The following KLHDC2 variants were observed in gnomAD, a reference collection of about 807,000 sequenced individuals.
The protein encoded by KLHDC2 is kelch domain-containing protein 2.
In KLHDC2, 38 loss-of-function variants were observed where a neutral mutation model predicts 62.3. The ratio of observed to expected loss-of-function variants is 0.61; its 90% CI spans 0.47 to 0.80. The LOEUF is 0.80. Among genes scored for constraint, KLHDC2 ranks in the 30% least tolerant of loss-of-function variants. The probability of loss-of-function intolerance (pLI) is 0.00; values close to 1 mark genes in which losing one functional copy is unlikely to be tolerated. For missense variants in KLHDC2, 430 were observed against 495.3 expected (o/e 0.87, Z 1.25); for synonymous variants, 159 against 161.0 (o/e 0.99, Z 0.09).
chr14:49,772,388 A>T (rs1566633129), intron 2 of KLHDC2, among the ~76,000 whole-genome samples: 1 of 152,230 alleles, frequency 6.6e-6, no homozygotes, highest in East Asian at 1.9e-4. Context: ...TTTGCATGCA[A>T]ATCTTTTTAA....
chr14:49,782,715 G>C, intron 12 of KLHDC2, 115 bp from the exon 13 acceptor site: 14 of 1,404,014 alleles, frequency 1.0e-5, no homozygotes, highest in African/African-American at 1.4e-5. Context: ...GCTATAACCA[G>C]TTCCTATGAA....
intron 3 of KLHDC2, among the ~76,000 whole-genome samples, chr14:49,775,649 C>T (rs912108189): frequency 3.6e-5 from 4 of 112,672 alleles, no homozygotes; most frequent in African/African-American, 1.4e-4. Context: ...CGGATGGGGA[C>T]AGAGTCTCGC....
chr14:49,781,498 G>A lies in KLHDC2; in HGVS notation c.956+723G>A, dbSNP rs141118009. On this transcript the variant is annotated intron_variant, in intron 10 of 12. Coordinates refer to ENST00000298307, the MANE Select transcript of KLHDC2 (RefSeq NM_014315.3). ...AATCCCAGCACTTCTGGAGGCTGAG[G>A]CAGGCAGAGTGCTTTAACCCAGGCA... Among the ~76,000 whole-genome samples the A allele has an allele frequency of 1.3e-3, 196 of 152,170 alleles. No homozygotes were observed. In the Middle Eastern group the frequency reaches 0.027, roughly 21 times the overall value.
chr14:49,777,507 T>C (rs1237466743), intron 3 of KLHDC2, among the ~76,000 whole-genome samples: 2 of 151,768 alleles, frequency 1.3e-5, no homozygotes, highest in African/African-American at 4.8e-5. Context: ...GGTGGGAAGA[T>C]GACTTAAGCC....
intron 9 of KLHDC2, 27 bp downstream of exon 9, chr14:49,780,349 A>T: frequency 1.0e-5 from 13 of 1,304,606 alleles, no homozygotes; most frequent in Non-Finnish European, 1.4e-5. Flanking sequence ...TATGATAATG[A>T]AATCATCATA....
intron 3 of KLHDC2, 60 bp from the exon 4 acceptor site, chr14:49,777,779 A>G (rs1413917512): frequency 2.3e-6 from 2 of 888,636 alleles, no homozygotes; most frequent in Admixed American, 4.9e-5. Flanking sequence ...GTAAAATTAA[A>G]TGCTAAACTT....
At position 49,783,385 on chromosome 14, in the gene KLHDC2, A is replaced by G. The variant is rs1386444147; in HGVS notation, c.*432A>G. Reference sequence around the variant, plus strand: ...ATAATAAAGGTTTTTTTTTTTAAACATTAATATTCACATTATGACGAAGCT... The same window carrying G: ...ATAATAAAGGTTTTTTTTTTTAAACGTTAATATTCACATTATGACGAAGCT... On this transcript the variant is annotated 3_prime_UTR_variant, in exon 13 of 13. Transcript: ENST00000298307. 6.6e-6 allele frequency: 1 copy of G among 151,512 alleles called. No homozygotes were observed. The highest frequency in any genetic ancestry group is 1.5e-5 in the Non-Finnish European group (1 of 68,122). The allele number at this position is 151,512 out of a possible 1,614,324, so 9.4% of individuals were successfully genotyped here.
chr14:49,768,814 C>G, intron 1 of KLHDC2, 193 bp downstream of exon 1: 5 of 545,340 alleles, frequency 9.2e-6, no homozygotes, highest in Middle Eastern at 9.7e-4. Flanking sequence ...TACCCCAACC[C>G]GTCTCGAACC....
Position 49,778,036 on chromosome 14 carries a change from C to T in KLHDC2, c.467+82C>T, listed in dbSNP as rs576311334. ...GGTATCCTTAGCCAGTAAACATTTG[C>T]ACAGAACATACCTCATAGGGCCCAT... On this transcript the variant is annotated intron_variant, in intron 4 of 12. Coordinates refer to ENST00000298307, the MANE Select transcript of KLHDC2 (RefSeq NM_014315.3). 17 of 972,772 alleles carry T rather than the reference C, an allele frequency of 1.7e-5. No homozygotes were observed. The South Asian group carries it at 2.5e-4, about 14-fold the overall frequency. 60.3% of individuals were successfully genotyped at this position (972,772 alleles called of 1,614,324 possible). A position where few individuals can be genotyped will look rare whatever the true frequency, so the allele number is the denominator to read the frequency against.
chr14:49,774,645 T>G lies in KLHDC2; in HGVS notation c.318T>G (p.Phe106Leu). 1 of 1,612,194 alleles carries G rather than the reference T, an allele frequency of 6.2e-7. No homozygotes were observed. The highest frequency in any genetic ancestry group is 8.5e-7 in the Non-Finnish European group (1 of 1,178,266). Residue 106 changes from phenylalanine to leucine, a missense_variant, in exon 3 of 13, where the codon TTT becomes TTG. Transcript: ENST00000298307. ...GTGTAGACAGGGTGCTGTACTTGTT[T>G]GGAGGACACCATTCAAGAGGCAATA... ...AVCVDRVLYL[F>L]GGHHSRGNTN...
chr14:49,780,257 T>C lies in KLHDC2; in HGVS notation c.818T>C (p.Leu273Pro). ...CCAGTTGGTCGATCTTGGCACTCAC[T>C]AACACCAGTTTCTTCAGATCATCTT... ...ICPVGRSWHS[L>P]TPVSSDHLFL... The change falls in exon 9 of 13, where the codon CTA (leucine) becomes CCA (proline). Residue 273 changes from leucine (L) to proline (P), a missense_variant. Physicochemically the swap from Leu to Pro is moderately conservative, Grantham distance 98. Coordinates refer to ENST00000298307, the MANE Select transcript of KLHDC2 (RefSeq NM_014315.3). 1 of 1,613,850 alleles carries C rather than the reference T, an allele frequency of 6.2e-7. No individual in the cohort carries two copies. The highest frequency in any genetic ancestry group is 8.5e-7 in the Non-Finnish European group (1 of 1,179,734).
intron 11 of KLHDC2, 24 bp from the exon 12 acceptor site, chr14:49,782,518 G>A (rs754288697): frequency 3.1e-6 from 5 of 1,601,934 alleles, no homozygotes; most frequent in South Asian, 1.1e-5. Context: ...GCTTTTAAAT[G>A]TGTTCTTCCT....
rs1400712193 is a variant in KLHDC2 at position 49,784,028 on chromosome 14, C to G, written c.*1075C>G. On this transcript the variant is annotated 3_prime_UTR_variant, in exon 13 of 13. Transcript: ENST00000298307. ...TAGTTTAAGCAATCAAGCCACTTCACTGTTCAGTTTCTTTACATCATGAAA... is the reference window on the plus strand; with the variant it reads ...TAGTTTAAGCAATCAAGCCACTTCAGTGTTCAGTTTCTTTACATCATGAAA... 6.6e-6 allele frequency: 1 copy of G among 151,926 alleles called. No homozygotes were observed. The highest frequency in any genetic ancestry group is 1.5e-5 in the Non-Finnish European group (1 of 67,946). The allele number at this position is 151,926 out of a possible 1,614,324, so 9.4% of individuals were successfully genotyped here. A position where few individuals can be genotyped will look rare whatever the true frequency, so the allele number is the denominator to read the frequency against.
intron 2 of KLHDC2, among the ~76,000 whole-genome samples, chr14:49,772,109 A>G (rs1263456449): frequency 6.6e-6 from 1 of 152,168 alleles, no homozygotes; most frequent in Non-Finnish European, 1.5e-5. Context: ...TTAATTTAGC[A>G]CCTGTTCTGT....
chr14:49,776,355 T>C (rs183003426), intron 3 of KLHDC2, among the ~76,000 whole-genome samples: 364 of 152,302 alleles, frequency 2.4e-3, no homozygotes, highest in African/African-American at 8.2e-3. Context: ...TAAGTTTGAC[T>C]GAATGGAAGC....
intron 3 of KLHDC2, among the ~76,000 whole-genome samples, chr14:49,777,434 T>C (rs1057372147): frequency 6.6e-6 from 1 of 151,944 alleles, no homozygotes; most frequent in Non-Finnish European, 1.5e-5. Context: ...GAAAAGAAAA[T>C]GTACGGCTGT....
intron 2 of KLHDC2, 82 bp downstream of exon 2, chr14:49,771,755 C>T: frequency 2.7e-6 from 2 of 752,806 alleles, no homozygotes; most frequent in Non-Finnish European, 4.7e-6. Context: ...ATAATCCCAG[C>T]ACTTTGGGAG....
intron 1 of KLHDC2, among the ~76,000 whole-genome samples, chr14:49,770,801 A>T (rs1342520535): frequency 2.0e-5 from 3 of 152,372 alleles, no homozygotes; most frequent in African/African-American, 4.8e-5. Context: ...AGGGAAATGG[A>T]GCAGAACAAA....
At chr14:49,769,603 T>C (rs1269282672) in intron 1 of KLHDC2, among the ~76,000 whole-genome samples, 4 of 152,154 alleles carry the variant, frequency 2.6e-5, no homozygotes, top group Non-Finnish European at 5.9e-5. Flanking sequence ...TCCTAATGAA[T>C]CTGCAGTGTT....
Sources: gnomAD v4.1 joint callset for allele counts (sites outside exome capture counted in the v4.1 genomes callset) on GRCh38, gnomAD v4.1.1 for gene constraint, MANE v1.5 for transcripts, NCBI Gene and HGNC (gene_info 2026-07-23, HGNC 2026-07-21) for gene names.